SLC35D1: variants seen among roughly 807,000 people sequenced by gnomAD.
SLC35D1 encodes nucleotide sugar transporter SLC35D1.
In SLC35D1, 31 loss-of-function variants were observed where a neutral mutation model predicts 46.7. The ratio of observed to expected loss-of-function variants is 0.66; its 90% CI spans 0.50 to 0.90. SLC35D1 has a LOEUF of 0.90. SLC35D1 is among the 40% of genes least tolerant of loss of function. SLC35D1 has a pLI of 0.00. For synonymous variants in SLC35D1, 195 were observed against 164.6 expected, an observed-to-expected ratio of 1.18 and a Z score of -1.41; for missense variants, 397 against 426.2, an observed-to-expected ratio of 0.93 and a Z score of 0.60.
chr1:67,050,190 C>T (rs1179941106), intron 5 of SLC35D1, among the ~76,000 whole-genome samples: 4 of 152,060 alleles, frequency 2.6e-5, no homozygotes, highest in African/African-American at 7.2e-5. Flanking sequence ...CAGCTTCTCC[C>T]GGTGGCAGTA....
intron 8 of SLC35D1, among the ~76,000 whole-genome samples, chr1:67,030,954 G>A (rs1372724166): frequency 2.0e-5 from 3 of 152,214 alleles, no homozygotes; most frequent in African/African-American, 4.8e-5. Flanking sequence ...ATACCCAGAA[G>A]ACGGGTAACT....
chr1:67,005,623 C>T (rs1448165039), intron 11 of SLC35D1, among the ~76,000 whole-genome samples: 1 of 152,210 alleles, frequency 6.6e-6, no homozygotes, highest in African/African-American at 2.4e-5. Context: ...ACATACATTT[C>T]CTGTTTTTGC....
Position 67,001,172 on chromosome 1 carries a change from C to T in SLC35D1, c.*3168G>A, listed in dbSNP as rs1667332303. 1 of 152,270 alleles carries T rather than the reference C, an allele frequency of 6.6e-6. No individual in the cohort carries two copies. The highest frequency in any genetic ancestry group is 1.5e-5 in the Non-Finnish European group (1 of 68,048). 9.4% of individuals were successfully genotyped at this position (152,270 alleles called of 1,614,324 possible). A position where few individuals can be genotyped will look rare whatever the true frequency, so the allele number is the denominator to read the frequency against. On this transcript the variant is annotated 3_prime_UTR_variant, in exon 12 of 12. Coordinates refer to ENST00000235345, the MANE Select transcript of SLC35D1 (RefSeq NM_015139.3). ...ACGAGGCTATCAAGTAAGGCAGGCC[C>T]AAAGTCCTGGGGTGCCATTTCAAAC...
At chr1:67,050,379 T>C in intron 5 of SLC35D1, 54 bp downstream of exon 5, 1 of 1,306,300 alleles carries the variant, frequency 7.7e-7, no homozygotes, top group South Asian at 1.2e-5. Context: ...TCACATATGC[T>C]GGGCACCTTT....
At chr1:66,981,690 A>G in the SLC35D1 span, 130 of 978,540 alleles carry the variant, frequency 1.3e-4, no homozygotes, top group African/African-American at 1.9e-3. Flanking sequence ...ATTAGGATAT[A>G]TTTGTTAAGA....
intron 8 of SLC35D1, among the ~76,000 whole-genome samples, chr1:67,029,995 T>C (rs1251268460): frequency 3.3e-5 from 5 of 152,062 alleles, no homozygotes; most frequent in Admixed American, 6.5e-5. Flanking sequence ...TGTAACTCAT[T>C]AGCTTTGCAC....
At chr1:66,974,620 G>A in the SLC35D1 span, among the ~76,000 whole-genome samples, 1 of 151,982 alleles carries the variant, frequency 6.6e-6, no homozygotes, top group Non-Finnish European at 1.5e-5. Context: ...GAAACTTAGA[G>A]CCAAGTAACA....
the SLC35D1 span, among the ~76,000 whole-genome samples, chr1:66,976,144 C>T: frequency 1.9e-4 from 29 of 152,138 alleles, no homozygotes; most frequent in South Asian, 1.9e-3. Flanking sequence ...GCTGGGATTA[C>T]AGGCACCTGC....
At chr1:67,013,521 GC>G (rs944479550) in intron 10 of SLC35D1, among the ~76,000 whole-genome samples, 2 of 152,024 alleles carry the variant, frequency 1.3e-5, no homozygotes, top group African/African-American at 4.8e-5. Flanking sequence ...TGCCACTAAA[GC>G]CTGGGCAACA....
the SLC35D1 span, among the ~76,000 whole-genome samples, chr1:66,974,337 C>G: frequency 9.2e-5 from 14 of 151,762 alleles, no homozygotes; most frequent in Non-Finnish European, 8.8e-5. Context: ...AAAAGGAGTG[C>G]ATTATGTGAC....
chr1:67,013,923 T>C (rs529321256), intron 10 of SLC35D1, among the ~76,000 whole-genome samples: 2 of 152,368 alleles, frequency 1.3e-5, no homozygotes, highest in Admixed American at 1.3e-4. Context: ...TATACAAGCA[T>C]TGCATAACCT....
the SLC35D1 span, chr1:66,985,002 G>GA: frequency 7.0e-7 from 1 of 1,427,142 alleles, no homozygotes; most frequent in Non-Finnish European, 9.2e-7. Flanking sequence ...GAAGCAGTTT[G>GA]AAAATTTGAA....
the SLC35D1 span, among the ~76,000 whole-genome samples, chr1:66,974,914 T>C: frequency 1.3e-5 from 2 of 152,342 alleles, no homozygotes; most frequent in South Asian, 2.1e-4. Context: ...AAAATGACTT[T>C]ATCTTTTTGC....
chr1:67,053,370 C>T (rs1645332327), intron 1 of SLC35D1, among the ~76,000 whole-genome samples: 3 of 152,008 alleles, frequency 2.0e-5, no homozygotes. Flanking sequence ...GTTGAGGATG[C>T]GTACGTCCCC....
In SLC35D1 at chr1:67,004,183, A is replaced by T; in HGVS notation, c.*157T>A. ...CAATTATAAGTTTCTCTCTTCATAA[A>T]ATTTTAAAAGGCAGCAATCAATCCT... On this transcript the variant is annotated 3_prime_UTR_variant, in exon 12 of 12. Coordinates refer to ENST00000235345, the MANE Select transcript of SLC35D1 (RefSeq NM_015139.3). The T allele has an allele frequency of 1.5e-6, 1 of 673,004 alleles. No individual in the cohort carries two copies. Among genetic ancestry groups the T allele is most frequent in the South Asian group, 1.6e-5 (1 of 62,106 alleles). The allele number at this position is 673,004 out of a possible 1,614,324, so 41.7% of individuals were successfully genotyped here.
At chr1:67,038,972 C>T (rs929608547) in intron 8 of SLC35D1, among the ~76,000 whole-genome samples, 1 of 152,048 alleles carries the variant, frequency 6.6e-6, no homozygotes, top group Non-Finnish European at 1.5e-5. Context: ...TAATATATTT[C>T]GTTTTTTTCA....
chr1:67,034,695 T>C (rs186478450), intron 8 of SLC35D1, among the ~76,000 whole-genome samples: 31 of 152,288 alleles, frequency 2.0e-4, no homozygotes, highest in South Asian at 2.1e-4. Context: ...CTGATTGATT[T>C]AGCTAGGACT....
chr1:67,040,437 G>T (rs1301149676), intron 8 of SLC35D1, among the ~76,000 whole-genome samples: 1 of 152,264 alleles, frequency 6.6e-6, no homozygotes. Context: ...TAAAAATCTA[G>T]GTTCTAGTCC....
intron 8 of SLC35D1, among the ~76,000 whole-genome samples, chr1:67,030,666 A>C (rs111317796): frequency 0.027 from 4,033 of 152,168 alleles, 81 homozygotes; most frequent in Middle Eastern, 0.065. Flanking sequence ...AACCTCTCAT[A>C]AACCTAAGTT....
Sources: gnomAD v4.1 joint callset for allele counts (sites outside exome capture counted in the v4.1 genomes callset) on GRCh38, gnomAD v4.1.1 for gene constraint, MANE v1.5 for transcripts, NCBI Gene and HGNC (gene_info 2026-07-23, HGNC 2026-07-21) for gene names.